The following DPF3 variants were observed in gnomAD, a reference collection of about 807,000 sequenced individuals.
DPF3 encodes zinc finger protein DPF3.
In DPF3, 18 loss-of-function variants were observed where a neutral mutation model predicts 56.8. The observed-to-expected ratio is 0.32, with a 90% CI of 0.22 to 0.47. The LOEUF is 0.47. Among genes scored for constraint, DPF3 ranks in the 20% least tolerant of loss-of-function variants. DPF3 has a pLI of 1.00. For missense variants in DPF3, 403 were observed against 488.8 expected, an observed-to-expected ratio of 0.82 and a Z score of 1.65; for synonymous variants, 188 against 180.2, an observed-to-expected ratio of 1.04 and a Z score of -0.35.
chr14:72,828,100 T>C (rs1337827841), intron 1 of DPF3, among the ~76,000 whole-genome samples: 2 of 152,242 alleles, frequency 1.3e-5, no homozygotes, highest in Non-Finnish European at 2.9e-5. Flanking sequence ...CTCATGTTCA[T>C]GCTACAAGCA....
At chr14:72,766,734 G>A (rs1178218222) in intron 2 of DPF3, among the ~76,000 whole-genome samples, 1 of 152,244 alleles carries the variant, frequency 6.6e-6, no homozygotes, top group East Asian at 1.9e-4. Flanking sequence ...TTACAGGCAT[G>A]AGCCTGTGTC....
chr14:72,787,112 G>A (rs1220587142), intron 1 of DPF3, among the ~76,000 whole-genome samples: 3 of 152,184 alleles, frequency 2.0e-5, no homozygotes. Flanking sequence ...GAACCCTCAG[G>A]AACAGCCAGG....
chr14:72,860,808 C>T (rs1885366276), intron 1 of DPF3, among the ~76,000 whole-genome samples: 1 of 152,024 alleles, frequency 6.6e-6, no homozygotes, highest in East Asian at 1.9e-4. Context: ...TCAGGTAATC[C>T]ACCCACCTCA....
At chr14:72,850,228 G>A (rs1884920573) in intron 1 of DPF3, among the ~76,000 whole-genome samples, 1 of 152,142 alleles carries the variant, frequency 6.6e-6, no homozygotes, top group Non-Finnish European at 1.5e-5. Context: ...ACCTCCCCAT[G>A]TGGCAAATGG....
At chr14:72,680,967 A>G (rs1354621849) in intron 7 of DPF3, among the ~76,000 whole-genome samples, 1 of 152,184 alleles carries the variant, frequency 6.6e-6, no homozygotes, top group Non-Finnish European at 1.5e-5. Context: ...ACCCAGAGGA[A>G]CCCAGCCTTT....
intron 1 of DPF3, among the ~76,000 whole-genome samples, chr14:72,884,971 T>TATATATATATATATATATATATATA (rs10523148): frequency 1.8e-3 from 197 of 111,610 alleles, no homozygotes; most frequent in Non-Finnish European, 2.1e-3. Flanking sequence ...TATATATATA[T>TATATATATATATATATATATATATA]TAGCCGGGCG....
intron 1 of DPF3, 51 bp from the exon 2 acceptor site, chr14:72,771,944 C>A: frequency 7.2e-7 from 1 of 1,393,326 alleles, no homozygotes; most frequent in Non-Finnish European, 9.4e-7. Flanking sequence ...CTGAAACACA[C>A]CCAGAGGGAA....
At chr14:72,765,498 A>G (rs1891243462) in intron 2 of DPF3, among the ~76,000 whole-genome samples, 2 of 152,248 alleles carry the variant, frequency 1.3e-5, no homozygotes, top group South Asian at 4.1e-4. Flanking sequence ...AAGACTGCAA[A>G]CAAATCCAAA....
chr14:72,893,971 G>A, intron 1 of DPF3, 86 bp downstream of exon 1: 3 of 1,539,940 alleles, frequency 1.9e-6, no homozygotes, highest in Admixed American at 1.8e-5. Flanking sequence ...CAAGCGCAAT[G>A]CTCTGGCAGC....
In DPF3 at chr14:72,611,515, C is replaced by G. The variant is rs1883722358; in HGVS notation, c.*7782G>C. ...GCCCAATCTGTACTTGAAGCCCCCA[C>G]CCCCCCAGTCCCGCTCTCTGCTTTC... On this transcript the variant is annotated 3_prime_UTR_variant, in exon 11 of 11. Transcript: ENST00000556509. Among the ~76,000 whole-genome samples the G allele has an allele frequency of 6.8e-6, 1 of 147,764 alleles. No homozygotes were observed. Among genetic ancestry groups the G allele is most frequent in the Admixed American group, 6.6e-5 (1 of 15,152 alleles).
At chr14:72,690,734 C>T (rs1378179195) in intron 7 of DPF3, among the ~76,000 whole-genome samples, 1 of 152,092 alleles carries the variant, frequency 6.6e-6, no homozygotes, top group East Asian at 1.9e-4. Context: ...TTCCAAACCC[C>T]AGGGCATGAA....
intron 1 of DPF3, among the ~76,000 whole-genome samples, chr14:72,822,395 A>G (rs943193199): frequency 3.9e-5 from 6 of 152,034 alleles, no homozygotes; most frequent in Non-Finnish European, 5.9e-5. Flanking sequence ...AAAAAAATAA[A>G]ATAAAATAAT....
intron 7 of DPF3, among the ~76,000 whole-genome samples, chr14:72,684,598 T>C (rs546256326): frequency 1.3e-5 from 2 of 151,684 alleles, no homozygotes; most frequent in Non-Finnish European, 2.9e-5. Context: ...CTCAGGAAAA[T>C]TATTGAATAG....
At chr14:72,749,072 C>T (rs755766672) in intron 3 of DPF3, among the ~76,000 whole-genome samples, 1 of 152,224 alleles carries the variant, frequency 6.6e-6, no homozygotes, top group African/African-American at 2.4e-5. Context: ...GATCCACTGA[C>T]GGCTTGCACC....
At chr14:72,649,081 C>T (rs1020339005) in intron 8 of DPF3, among the ~76,000 whole-genome samples, 1 of 152,132 alleles carries the variant, frequency 6.6e-6, no homozygotes, top group Non-Finnish European at 1.5e-5. Flanking sequence ...TATGTGGACT[C>T]ACTTCCCCTC....
Position 72,629,617 on chromosome 14 carries a change from A to G in DPF3, c.984+7T>C, listed in dbSNP as rs1167920061. The G allele has an allele frequency of 6.5e-7, 1 of 1,534,740 alleles. No individual in the cohort carries two copies. Among genetic ancestry groups the G allele is most frequent in the African/African-American group, 1.4e-5 (1 of 73,010 alleles). On this transcript the variant is annotated splice_region_variant and intron_variant, in intron 9 of 10. Coordinates refer to ENST00000556509, the MANE Select transcript of DPF3 (RefSeq NM_001280542.3). ...TCTCCCTCCCACAGGGAAAGCCCCA[A>G]ACTCACATCATTCTCTGAGGTCCCA...
chr14:72,867,137 T>C (rs1173711056), intron 1 of DPF3, among the ~76,000 whole-genome samples: 1 of 152,094 alleles, frequency 6.6e-6, no homozygotes, highest in Non-Finnish European at 1.5e-5. Context: ...GCTCCAACAA[T>C]CCTCCCACCT....
intron 2 of DPF3, among the ~76,000 whole-genome samples, chr14:72,766,057 G>A (rs1891274706): frequency 1.3e-5 from 2 of 152,178 alleles, no homozygotes; most frequent in African/African-American, 2.4e-5. Context: ...AAACCTTTGC[G>A]AGTCATGGAT....
intron 6 of DPF3, among the ~76,000 whole-genome samples, chr14:72,710,236 G>A (rs557698466): frequency 6.6e-6 from 1 of 152,314 alleles, no homozygotes; most frequent in African/African-American, 2.4e-5. Flanking sequence ...CCACCTGCCT[G>A]TCCCCAGTTA....
Sources: allele counts gnomAD v4.1 joint callset (sites outside exome capture counted in the v4.1 genomes callset), GRCh38; gene constraint gnomAD v4.1.1; transcripts MANE v1.5; gene names NCBI Gene and HGNC (gene_info 2026-07-23, HGNC 2026-07-21).